SEPTIN5: variants seen among roughly 807,000 people sequenced by gnomAD.
SEPTIN5 encodes septin 5, also known as septin-5.
Under a neutral mutation model 51.2 loss-of-function variants are expected in SEPTIN5, and 16 were observed. The ratio of observed to expected loss-of-function variants is 0.31; its 90% CI spans 0.21 to 0.47. The LOEUF is 0.47. Among genes scored for constraint, SEPTIN5 ranks in the 20% least tolerant of loss-of-function variants. The pLI, the probability that SEPTIN5 is intolerant of heterozygous loss-of-function variation, is 0.99. For synonymous variants in SEPTIN5, 208 were observed against 191.2 expected (o/e 1.09, Z -0.72); for missense variants, 376 against 500.3 (o/e 0.75, Z 2.37).
chr22:19,714,746 C>G lies in SEPTIN5; in HGVS notation c.44-35C>G, dbSNP rs750145062. On this transcript the variant is annotated intron_variant, in intron 1 of 11. Coordinates refer to ENST00000455784, the MANE Select transcript of SEPTIN5 (RefSeq NM_002688.6). This position sits in a 1 kb window ranked among gnomAD's most constrained non-coding sequence, Gnocchi z 5.2. ...CCGCCGGCCCGGACCCGCTCGGAAC[C>G]GGACCCGGACTCGACCCCGACCCCG... 28 of 1,586,104 alleles carry G rather than the reference C, an allele frequency of 1.8e-5. No homozygotes were observed. The highest frequency in any genetic ancestry group is 4.5e-5 in the South Asian group (4 of 89,024).
At chr22:19,721,991 C>G (rs1221010538) in intron 10 of SEPTIN5, 34 bp downstream of exon 10, 1 of 1,584,736 alleles carries the variant, frequency 6.3e-7, no homozygotes, top group Non-Finnish European at 8.6e-7. Flanking sequence ...GACCTCGCCC[C>G]TCTGGCCCCG....
chr22:19,717,708 C>A (rs573043691), intron 2 of SEPTIN5: 177 of 264,112 alleles, frequency 6.7e-4, no homozygotes, highest in African/African-American at 3.9e-3. Context: ...GGCTGGACTT[C>A]AGAAAAGGTG....
chr22:19,714,558 C>A lies in SEPTIN5; in HGVS notation c.-31C>A. ...TTGTCGTCGCGCCCCGCCCGCGAGC[C>A]CGCCCCGCACGTCCCCCGCCGGCGG... On this transcript the variant is annotated 5_prime_UTR_variant, in exon 1 of 12. Coordinates refer to ENST00000455784, the MANE Select transcript of SEPTIN5 (RefSeq NM_002688.6). This position sits in a 1 kb window ranked among gnomAD's most constrained non-coding sequence, Gnocchi z 5.2. 7.3e-7 allele frequency: 1 copy of A among 1,375,462 alleles called. No homozygotes were observed. The allele number at this position is 1,375,462 out of a possible 1,614,324, so 85.2% of individuals were successfully genotyped here. A position where few individuals can be genotyped will look rare whatever the true frequency, so the allele number is the denominator to read the frequency against.
intron 10 of SEPTIN5, 71 bp downstream of exon 10, chr22:19,722,028 T>C (rs1936049790): frequency 1.3e-6 from 2 of 1,540,566 alleles, no homozygotes; most frequent in South Asian, 2.4e-5. Context: ...TGAGGGCCGG[T>C]CCTGTCAGCC....
At chr22:19,717,216 T>C in intron 2 of SEPTIN5, 1 of 445,524 alleles carries the variant, frequency 2.2e-6, no homozygotes, top group South Asian at 1.6e-5. Flanking sequence ...CTCCAGCTTC[T>C]AATGTTCTAA....
chr22:19,722,595 A>C lies in SEPTIN5; in HGVS notation c.*111A>C. The C allele has an allele frequency of 1.7e-6, 2 of 1,146,270 alleles. No individual in the cohort carries two copies. The highest frequency in any genetic ancestry group is 2.5e-6 in the Non-Finnish European group (2 of 795,974). 71.0% of individuals were successfully genotyped at this position (1,146,270 alleles called of 1,614,324 possible). ...GGGCCACAGCCCCCAGCTGACCCTA[A>C]TTTATTCTCAGCACCACCCCCTCCC... On this transcript the variant is annotated 3_prime_UTR_variant, in exon 12 of 12. Coordinates refer to ENST00000455784, the MANE Select transcript of SEPTIN5 (RefSeq NM_002688.6).
Position 19,722,272 on chromosome 22 carries a change from T to C in SEPTIN5, c.986T>C (p.Ile329Thr). 6.2e-7 allele frequency: 1 copy of C among 1,609,376 alleles called. No individual in the cohort carries two copies. Among genetic ancestry groups the C allele is most frequent in the Non-Finnish European group, 8.5e-7 (1 of 1,178,638 alleles). The change falls in exon 11 of 12, where the codon ATC becomes ACC. Residue 329 changes from isoleucine (I) to threonine (T), a missense_variant. Around this residue, in one of 2 missense-constraint regions of SEPTIN5, gnomAD observed 89 missense variants for 83.3 expected, o/e 1.07. Transcript: ENST00000455784. ...LTQDSRMESP[I>T]PILPLPTPDA... ...CAGGACAGCCGCATGGAGAGCCCCATCCCGATCCTGCCGCTGCCCACCCCG... is the reference window on the plus strand; with the variant it reads ...CAGGACAGCCGCATGGAGAGCCCCACCCCGATCCTGCCGCTGCCCACCCCG...
intron 2 of SEPTIN5, chr22:19,717,249 A>T: frequency 2.1e-6 from 1 of 468,510 alleles, no homozygotes; most frequent in Non-Finnish European, 4.4e-6. Flanking sequence ...TGGCCTGACC[A>T]GTCCTACCCT....
intron 2 of SEPTIN5, among the ~76,000 whole-genome samples, chr22:19,716,922 G>A (rs1370214086): frequency 6.6e-6 from 1 of 152,256 alleles, no homozygotes; most frequent in Non-Finnish European, 1.5e-5. Flanking sequence ...CAGCCTAGAG[G>A]CTTCCTGCAG....
intron 5 of SEPTIN5, 29 bp downstream of exon 5, chr22:19,720,267 G>A: frequency 6.2e-7 from 1 of 1,613,472 alleles, no homozygotes; most frequent in Non-Finnish European, 8.5e-7. Context: ...GAAAGGCCTT[G>A]CCTAGGCGGC....
intron 2 of SEPTIN5, among the ~76,000 whole-genome samples, chr22:19,716,782 C>A (rs1479422096): frequency 1.3e-5 from 2 of 152,306 alleles, no homozygotes; most frequent in Middle Eastern, 3.4e-3. Context: ...CTGTTAGACA[C>A]CTCCTAGCCT....
chr22:19,714,727 G>T lies in SEPTIN5; in HGVS notation c.44-54G>T. 3.8e-6 allele frequency: 6 copies of T among 1,565,466 alleles called. No homozygotes were observed. Among genetic ancestry groups the T allele is most frequent in the East Asian group, 2.4e-5 (1 of 42,410 alleles). On this transcript the variant is annotated intron_variant, in intron 1 of 11. Transcript: ENST00000455784. The surrounding 1 kb of genome is among the most constrained non-coding windows in gnomAD (Gnocchi z 5.2). ...CTCTCCGTCTCTCCCCCGCCCGCCG[G>T]CCCGGACCCGCTCGGAACCGGACCC...
In SEPTIN5 at chr22:19,722,240, A is replaced by G. The variant is rs769975423; in HGVS notation, c.954A>G (p.Lys318=). 3 of 1,602,880 alleles carry G rather than the reference A, an allele frequency of 1.9e-6. No homozygotes were observed. Among genetic ancestry groups the G allele is most frequent in the Middle Eastern group, 1.7e-4 (1 of 5,748 alleles). The change falls in exon 11 of 12, where the codon AAA becomes AAG. Residue 318 remains lysine (K), a synonymous_variant. Coordinates refer to ENST00000455784, the MANE Select transcript of SEPTIN5 (RefSeq NM_002688.6). ...RAHCIQQMTS[K]LTQDSRMESP... ...TCCTCCCCCCCGCCCCGCGCAGCAA[A>G]CTGACCCAGGACAGCCGCATGGAGA...
chr22:19,719,479 C>T (rs548775249), intron 2 of SEPTIN5, 123 bp from the exon 3 acceptor site: 89 of 778,454 alleles, frequency 1.1e-4, no homozygotes, highest in Non-Finnish European at 1.7e-4. Context: ...TTTTTGCCAA[C>T]GAAATGCCCC....
chr22:19,717,464 C>T (rs1195535418), intron 2 of SEPTIN5: 1 of 410,982 alleles, frequency 2.4e-6, no homozygotes, highest in Admixed American at 2.9e-5. Flanking sequence ...GCTCAGAGGG[C>T]AAGGGAATGT....
intron 2 of SEPTIN5, chr22:19,718,517 G>C (rs1260161745): frequency 9.5e-6 from 12 of 1,269,432 alleles, no homozygotes; most frequent in Non-Finnish European, 9.9e-6. Context: ...CTTGGGGCCA[G>C]TTCGCCCAGT....
At position 19,721,965 on chromosome 22, in the gene SEPTIN5, C is replaced by A. The variant is rs1425323164; in HGVS notation, c.950+8C>A. On this transcript the variant is annotated splice_region_variant and intron_variant, in intron 10 of 11. Transcript: ENST00000455784. Reference sequence around the variant, plus strand: ...CATCCAGCAGATGACCAGGTGCGCGCCCCAGCCGCGAGCCAGACCTCGCCC... The same window carrying A: ...CATCCAGCAGATGACCAGGTGCGCGACCCAGCCGCGAGCCAGACCTCGCCC... The A allele has an allele frequency of 6.2e-7, 1 of 1,601,082 alleles. No homozygotes were observed. Among genetic ancestry groups the A allele is most frequent in the African/African-American group, 1.3e-5 (1 of 74,776 alleles).
In SEPTIN5 at chr22:19,722,604, C is replaced by T. The variant is rs959001742; in HGVS notation, c.*120C>T. 6 of 1,016,046 alleles carry T rather than the reference C, an allele frequency of 5.9e-6. No individual in the cohort carries two copies. The highest frequency in any genetic ancestry group is 4.8e-5 in the African/African-American group (3 of 63,152). The allele number at this position is 1,016,046 out of a possible 1,614,324, so 62.9% of individuals were successfully genotyped here. ...CCCCCAGCTGACCCTAATTTATTCT[C>T]AGCACCACCCCCTCCCAGGTCATTG... On this transcript the variant is annotated 3_prime_UTR_variant, in exon 12 of 12. Coordinates refer to ENST00000455784, the MANE Select transcript of SEPTIN5 (RefSeq NM_002688.6).
Position 19,720,203 on chromosome 22 carries a change from G to T in SEPTIN5, c.327G>T (p.Thr109=), listed in dbSNP as rs753300024. 2.5e-6 allele frequency: 4 copies of T among 1,613,414 alleles called. No homozygotes were observed. The African/African-American group carries it at 5.3e-5, about 22-fold the overall frequency. The part of the protein sequence containing the change: ...GVKLKLTIVD[T]PGFGDAVNNT... ...AGCTGAAGCTCACCATCGTGGACACGCCGGGATTCGGGGACGCTGTCAACA... is the reference window on the plus strand; with the variant it reads ...AGCTGAAGCTCACCATCGTGGACACTCCGGGATTCGGGGACGCTGTCAACA... The change falls in exon 5 of 12, where the codon ACG becomes ACT. Residue 109 remains threonine (T), a synonymous_variant. Coordinates refer to ENST00000455784, the MANE Select transcript of SEPTIN5 (RefSeq NM_002688.6).
Sources: allele counts gnomAD v4.1 joint callset (sites outside exome capture counted in the v4.1 genomes callset), GRCh38; gene constraint gnomAD v4.1.1; regional missense constraint gnomAD v4.1.1; non-coding constraint Gnocchi (gnomAD v3.1); transcripts MANE v1.5; gene names NCBI Gene and HGNC (gene_info 2026-07-23, HGNC 2026-07-21).